Variants in LAMA3 observed in about 807,000 individuals in gnomAD.
The protein encoded by LAMA3 is laminin subunit alpha 3, also known as laminin subunit alpha-3.
LAMA3 carries 281 observed loss-of-function variants against 402.0 expected under a neutral mutation model. The ratio of observed to expected loss-of-function variants is 0.70; its 90% CI spans 0.63 to 0.77. LAMA3 has a LOEUF of 0.77. Ranked by LOEUF, LAMA3 falls within the 30% of genes least tolerant of loss-of-function variation. LAMA3 has a pLI of 0.00. For synonymous variants in LAMA3, 1,431 were observed against 1,558.4 expected (o/e 0.92, Z 1.93); for missense variants, 3,840 against 4,215.5 (o/e 0.91, Z 2.47).
intron 59 of LAMA3, 85 bp downstream of exon 59, chr18:23,915,507 G>C (rs1443350477): frequency 5.8e-5 from 76 of 1,317,694 alleles, no homozygotes; most frequent in Non-Finnish European, 7.9e-5. Context: ...GGATGGGCCA[G>C]TGAGATGCTA....
rs187672035 is a variant in LAMA3 at position 23,745,636 on chromosome 18, G to A, written c.448-2307G>A. ...TGGGTTTGTTACTTAACCTCTCTAG[G>A]CCAAACTTTCCTCATCTTTAAAGTG... On this transcript the variant is annotated intron_variant, in intron 2 of 74. Coordinates refer to ENST00000313654, the MANE Select transcript of LAMA3 (RefSeq NM_198129.4). Among the ~76,000 whole-genome samples the A allele has an allele frequency of 2.0e-5, 3 of 152,240 alleles. No homozygotes were observed. In the East Asian group the frequency reaches 5.8e-4, roughly 29 times the overall value.
rs1416057907 is a variant in LAMA3, at chr18:23,752,331, TCTTTTTGGGGGTTGC to T, written c.855+1244_855+1258del. ...TACCAATTTTTTTTTTCTTAAATTG[TCTTTTTGGGGGTTGC>T]AAGATTTGCAGTCATATATATCTAT... is the stretch of plus-strand genomic sequence containing the variant. On this transcript the variant is annotated intron_variant, in intron 5 of 74. Coordinates refer to ENST00000313654, the MANE Select transcript of LAMA3 (RefSeq NM_198129.4). Among the ~76,000 whole-genome samples, 5 of 152,266 alleles carry T rather than the reference TCTTTTTGGGGGTTGC, an allele frequency of 3.3e-5. No individual in the cohort carries two copies. The East Asian group carries it at 9.6e-4, about 29-fold the overall frequency.
chr18:23,880,085 G>C (rs1206410047), intron 39 of LAMA3, among the ~76,000 whole-genome samples: 1 of 152,206 alleles, frequency 6.6e-6, no homozygotes, highest in Non-Finnish European at 1.5e-5. Context: ...AGAGAGTCAG[G>C]GCAGCTGAAG....
chr18:23,812,685 T>C (rs577797927), intron 13 of LAMA3, among the ~76,000 whole-genome samples: 33 of 152,370 alleles, frequency 2.2e-4, no homozygotes, highest in African/African-American at 7.2e-4. Flanking sequence ...TTAGAAATTC[T>C]AGAACGTCTT....
chr18:23,924,307 A>C (rs1199768393), intron 62 of LAMA3, among the ~76,000 whole-genome samples: 1 of 151,640 alleles, frequency 6.6e-6, no homozygotes, highest in African/African-American at 2.4e-5. Context: ...ATGTGTCACC[A>C]TGCCTGGCTA....
In LAMA3 at chr18:23,924,705, G is replaced by A. The variant is rs149517599; in HGVS notation, c.8177+3120G>A. On this transcript the variant is annotated intron_variant, in intron 62 of 74. Transcript: ENST00000313654. ...GATTACAGTGCCTGCCACCATGCCCGGCTAATTTTGTGTTTTTAGTAGAGA... is the reference window on the plus strand; with the variant it reads ...GATTACAGTGCCTGCCACCATGCCCAGCTAATTTTGTGTTTTTAGTAGAGA... Among the ~76,000 whole-genome samples, 254 of 151,676 alleles carry A rather than the reference G, an allele frequency of 1.7e-3. 1 individual carries two copies. In the East Asian group the frequency reaches 0.038, roughly 23 times the overall value.
At chr18:23,706,696 T>A (rs1382022374) in intron 1 of LAMA3, among the ~76,000 whole-genome samples, 3 of 152,228 alleles carry the variant, frequency 2.0e-5, no homozygotes, top group Non-Finnish European at 4.4e-5. Flanking sequence ...TATGTATTTC[T>A]GTTGAGAGTT....
At chr18:23,846,251 T>A in intron 30 of LAMA3, 46 bp from the exon 31 acceptor site, 1 of 1,595,580 alleles carries the variant, frequency 6.3e-7, no homozygotes, top group Non-Finnish European at 8.6e-7. Context: ...GCCACTCCCA[T>A]ACACACCTCC....
intron 70 of LAMA3, among the ~76,000 whole-genome samples, chr18:23,949,368 G>A (rs958351306): frequency 9.2e-5 from 14 of 152,140 alleles, no homozygotes; most frequent in African/African-American, 3.1e-4. Context: ...GCAAAGAGAC[G>A]GTGAAATCTG....
Position 23,904,110 on chromosome 18 carries a change from C to T in LAMA3, c.6473+23C>T, listed in dbSNP as rs141960234. ...AGAGTGAGTGCATGGCCCAGGAGAC[C>T]AGAAGGGCACGTGGGCTGAGCTCAG... On this transcript the variant is annotated intron_variant, in intron 50 of 74. Transcript: ENST00000313654. The T allele has an allele frequency of 3.7e-4, 593 of 1,612,528 alleles. 4 individuals are homozygous for T. In the African/African-American group the frequency reaches 6.6e-3, roughly 18 times the overall value.
At chr18:23,769,187 T>C (rs2062142771) in intron 8 of LAMA3, among the ~76,000 whole-genome samples, 3 of 152,194 alleles carry the variant, frequency 2.0e-5, no homozygotes, top group Admixed American at 2.0e-4. Context: ...GGAAACTACC[T>C]ACCTTCCCAA....
chr18:23,821,975 T>C (rs2144400308), intron 19 of LAMA3, among the ~76,000 whole-genome samples: 1 of 152,344 alleles, frequency 6.6e-6, no homozygotes, highest in Middle Eastern at 3.4e-3. Flanking sequence ...TCTGTCTGCC[T>C]GATTACAAAA....
At chr18:23,739,463 G>A (rs111794485) in intron 2 of LAMA3, among the ~76,000 whole-genome samples, 2,288 of 152,244 alleles carry the variant, frequency 0.015, 16 homozygotes, top group Non-Finnish European at 0.023. Context: ...AGTCAAAAAC[G>A]TTTCTGAAGT....
intron 19 of LAMA3, among the ~76,000 whole-genome samples, chr18:23,821,732 C>T (rs1025637121): frequency 6.6e-6 from 1 of 152,204 alleles, no homozygotes; most frequent in African/African-American, 2.4e-5. Context: ...ATTTTAGTTA[C>T]ACCCAGATGT....
At chr18:23,943,020 ATCTG>A (rs989638072) in intron 68 of LAMA3, among the ~76,000 whole-genome samples, 2 of 152,212 alleles carry the variant, frequency 1.3e-5, no homozygotes, top group African/African-American at 2.4e-5. Context: ...CTTTGGTTAA[ATCTG>A]TCTAACAGAA....
Position 23,796,449 on chromosome 18 carries a change from G to A in LAMA3, c.1603+12292G>A, listed in dbSNP as rs117321715. Among the ~76,000 whole-genome samples the A allele has an allele frequency of 7.9e-3, 1,206 of 152,252 alleles. 11 individuals carry two copies. The highest frequency in any genetic ancestry group is 0.014 in the Middle Eastern group (4 of 294). On this transcript the variant is annotated intron_variant, in intron 12 of 74. Coordinates refer to ENST00000313654, the MANE Select transcript of LAMA3 (RefSeq NM_198129.4). Reference sequence around the variant, plus strand: ...AATCAAGGTGCCATAGCCAAGACAGGGTGGCAAAACTATGTGTCAGTAAAA... The same window carrying A: ...AATCAAGGTGCCATAGCCAAGACAGAGTGGCAAAACTATGTGTCAGTAAAA...
intron 12 of LAMA3, among the ~76,000 whole-genome samples, chr18:23,795,223 TA>T (rs1459524258): frequency 1.3e-5 from 2 of 152,236 alleles, no homozygotes; most frequent in Non-Finnish European, 2.9e-5. Context: ...AACATAAAAT[TA>T]GAAGACAGGG....
chr18:23,935,115 A>T (rs1432143912), intron 67 of LAMA3, among the ~76,000 whole-genome samples: 1 of 152,218 alleles, frequency 6.6e-6, no homozygotes, highest in African/African-American at 2.4e-5. Context: ...GAGAGAGCAA[A>T]TGGATTCAAA....
chr18:23,899,052 C>T lies in LAMA3; in HGVS notation c.5823C>T (p.Ile1941=). 6.2e-7 allele frequency: 1 copy of T among 1,612,466 alleles called. No homozygotes were observed. Among genetic ancestry groups the T allele is most frequent in the African/African-American group, 1.3e-5 (1 of 74,974 alleles). The part of the protein sequence containing the change: ...KELDVKIKNV[I]RNVHILLKQI... Reference sequence around the variant, plus strand: ...TGGATGTGAAGATTAAAAATGTCATCCGGAATGTGCACAGTAAGAAGAGTT... The same window carrying T: ...TGGATGTGAAGATTAAAAATGTCATTCGGAATGTGCACAGTAAGAAGAGTT... The change falls in exon 46 of 75, where the codon ATC becomes ATT. Residue 1941 remains isoleucine (I), a synonymous_variant. Coordinates refer to ENST00000313654, the MANE Select transcript of LAMA3 (RefSeq NM_198129.4).
Sources: gnomAD v4.1 joint callset for allele counts (sites outside exome capture counted in the v4.1 genomes callset) on GRCh38, gnomAD v4.1.1 for gene constraint, MANE v1.5 for transcripts, NCBI Gene and HGNC (gene_info 2026-07-23, HGNC 2026-07-21) for gene names.